NAV1: variants seen among roughly 807,000 people sequenced by gnomAD.
NAV1 encodes pore membrane and/or filament interacting like protein 3.
Under a neutral mutation model 175.2 loss-of-function variants are expected in NAV1, and 18 were observed. The observed-to-expected ratio is 0.10, with a 90% confidence interval of 0.07 to 0.15. NAV1 has a LOEUF of 0.15. Among genes scored for constraint, NAV1 ranks in the 10% least tolerant of loss-of-function variants. NAV1 has a pLI of 1.00. For synonymous variants in NAV1, 897 were observed against 978.7 expected (o/e 0.92, Z 1.56); for missense variants, 1,731 against 2,436.6 (o/e 0.71, Z 6.10).
chr1:201,553,159 T>C (rs1665913013), intron 1 of NAV1, among the ~76,000 whole-genome samples: 1 of 152,218 alleles, frequency 6.6e-6, no homozygotes, highest in East Asian at 1.9e-4. Context: ...TTTGAAATGA[T>C]AAACTCGAGG....
intron 1 of NAV1, among the ~76,000 whole-genome samples, chr1:201,578,324 T>G (rs765196140): frequency 1.3e-5 from 2 of 152,206 alleles, no homozygotes; most frequent in Non-Finnish European, 2.9e-5. Context: ...AGTTTAAAAT[T>G]TTCCATTTGG....
chr1:201,816,998 C>T, intron 28 of NAV1, 90 bp from the exon 33 acceptor site: 1 of 1,217,080 alleles, frequency 8.2e-7, no homozygotes, highest in Non-Finnish European at 1.2e-6. Context: ...TTTAAGGAGC[C>T]TATTTTTTGT....
In NAV1 at chr1:201,651,349, T is replaced by C. The variant is rs1669199223; in HGVS notation, c.757+1924T>C. Among the ~76,000 whole-genome samples the C allele has an allele frequency of 3.3e-5, 5 of 151,970 alleles. No homozygotes were observed. In the South Asian group the frequency reaches 1.0e-3, roughly 32 times the overall value. On this transcript the variant is annotated intron_variant, in intron 1 of 29. Coordinates refer to ENST00000367296, the Ensembl canonical transcript of NAV1. ...TGACTGCCCATTGAAGCCCTCTTAG[T>C]TGCTCCTCAAGAGGAGCCAAACAGG... is the stretch of plus-strand genomic sequence containing the variant.
At chr1:201,677,250 C>A (rs1203669547) in intron 1 of NAV1, among the ~76,000 whole-genome samples, 94 of 110,644 alleles carry the variant, frequency 8.5e-4, no homozygotes, top group East Asian at 1.0e-3. Context: ...GACTCCATCT[C>A]AAAAAAAAAA....
intron 3 of NAV1, among the ~76,000 whole-genome samples, chr1:201,755,073 A>G (rs1391297420): frequency 1.3e-5 from 2 of 152,216 alleles, no homozygotes; most frequent in Non-Finnish European, 1.5e-5. Flanking sequence ...AGTAAAGACA[A>G]CATGTTACTT....
At chr1:201,594,032 C>A (rs562272856) in intron 2 of NAV1, among the ~76,000 whole-genome samples, 65 of 150,214 alleles carry the variant, frequency 4.3e-4, no homozygotes, top group African/African-American at 1.5e-3. Context: ...CAGCCATGAG[C>A]TGAGAGCCAA....
chr1:201,802,849 C>T (rs1176067796), intron 15 of NAV1, among the ~76,000 whole-genome samples: 2 of 152,056 alleles, frequency 1.3e-5, no homozygotes, highest in Admixed American at 1.3e-4. Flanking sequence ...GCCTAATCTC[C>T]ACCCTCACTT....
intron 3 of NAV1, among the ~76,000 whole-genome samples, chr1:201,774,169 A>G (rs1269496388): frequency 6.6e-6 from 1 of 152,204 alleles, no homozygotes; most frequent in African/African-American, 2.4e-5. Flanking sequence ...AGAAACAAAT[A>G]TAAAGAGAAA....
chr1:201,676,772 A>G (rs1670270001), intron 1 of NAV1, among the ~76,000 whole-genome samples: 1 of 152,192 alleles, frequency 6.6e-6, no homozygotes, highest in East Asian at 1.9e-4. Context: ...ATTAATAATC[A>G]TGTCAAATAC....
exon 30 of NAV1, chr1:201,821,691 T>G (rs559925706): frequency 6.6e-6 from 1 of 152,292 alleles, no homozygotes; most frequent in African/African-American, 2.4e-5. Flanking sequence ...AAGCTTTTGA[T>G]TAGATGTACA....
In NAV1 at chr1:201,663,777, C is replaced by A. The variant is rs144704911; in HGVS notation, c.757+14352C>A. Among the ~76,000 whole-genome samples the A allele has an allele frequency of 6.1e-3, 925 of 152,118 alleles. 4 individuals are homozygous for A. The highest frequency in any genetic ancestry group is 0.014 in the Admixed American group (209 of 15,276). ...GGGTATTGGGTTGTGGGGAGGGTCCCCTGTTTTTGCCTTACAGGGTGGGAT... is the reference window on the plus strand; with the variant it reads ...GGGTATTGGGTTGTGGGGAGGGTCCACTGTTTTTGCCTTACAGGGTGGGAT... On this transcript the variant is annotated intron_variant, in intron 1 of 29. Coordinates refer to ENST00000367296, the Ensembl canonical transcript of NAV1.
At chr1:201,731,905 G>A (rs1318690670) in intron 3 of NAV1, among the ~76,000 whole-genome samples, 1 of 152,172 alleles carries the variant, frequency 6.6e-6, no homozygotes, top group East Asian at 1.9e-4. Context: ...CCACAGAGGG[G>A]CCCTGGGGGA....
chr1:201,745,830 G>T (rs961462831), intron 3 of NAV1, among the ~76,000 whole-genome samples: 3 of 152,028 alleles, frequency 2.0e-5, no homozygotes, highest in African/African-American at 7.3e-5. Context: ...TAATTTTATT[G>T]TATTTATTTA....
At chr1:201,691,407 C>CT (rs1670936427) in intron 1 of NAV1, among the ~76,000 whole-genome samples, 2 of 152,206 alleles carry the variant, frequency 1.3e-5, no homozygotes, top group African/African-American at 4.8e-5. Context: ...AAAAGGCAGA[C>CT]TTTTTTATTT....
At chr1:201,732,753 T>C (rs1013033703) in intron 3 of NAV1, among the ~76,000 whole-genome samples, 9 of 152,240 alleles carry the variant, frequency 5.9e-5, no homozygotes, top group East Asian at 1.9e-4. Context: ...GGAGGAAAAA[T>C]AGGCATTGCT....
intron 2 of NAV1, among the ~76,000 whole-genome samples, chr1:201,599,856 A>G (rs1014853644): frequency 1.3e-5 from 2 of 152,154 alleles, no homozygotes; most frequent in African/African-American, 4.8e-5. Flanking sequence ...TTTGAGGGGG[A>G]AAAAACAACA....
At chr1:201,683,271 C>T (rs1426520579) in intron 1 of NAV1, among the ~76,000 whole-genome samples, 1 of 152,160 alleles carries the variant, frequency 6.6e-6, no homozygotes, top group Non-Finnish European at 1.5e-5. Context: ...GGGATGAAGA[C>T]CACAGAAGTA....
chr1:201,686,166 T>A (rs1670678754), intron 1 of NAV1, among the ~76,000 whole-genome samples: 1 of 151,982 alleles, frequency 6.6e-6, no homozygotes, highest in Admixed American at 6.5e-5. Context: ...GTCATGTTGG[T>A]CCTCAGAGAA....
chr1:201,694,690 T>G lies in NAV1; in HGVS notation c.758-18127T>G, dbSNP rs1671113781. ...AGCCAGGAGCCTGTGTTCTCTGGGC[T>G]CTGTGTTCTGTCGGTTGCTTATTCA... On this transcript the variant is annotated intron_variant, in intron 1 of 29. Coordinates refer to ENST00000367296, the Ensembl canonical transcript of NAV1. The surrounding 1 kb of genome is among the most constrained non-coding windows in gnomAD (Gnocchi z 4.2). 6.6e-6 allele frequency among the ~76,000 whole-genome samples: 1 copy of G among 152,204 alleles called. No homozygotes were observed. The highest frequency in any genetic ancestry group is 1.5e-5 in the Non-Finnish European group (1 of 68,034).
Sources: allele counts gnomAD v4.1 joint callset (sites outside exome capture counted in the v4.1 genomes callset), GRCh38; gene constraint gnomAD v4.1.1; non-coding constraint Gnocchi (gnomAD v3.1); transcripts MANE v1.5; gene names NCBI Gene and HGNC (gene_info 2026-07-23, HGNC 2026-07-21).